The following XPO4 variants were observed in gnomAD, a reference collection of about 807,000 sequenced individuals.
The protein encoded by XPO4 is exportin-4.
A neutral mutation model predicts 143.0 loss-of-function variants in XPO4; 39 were observed. The ratio of observed to expected loss-of-function variants is 0.27; its 90% CI spans 0.21 to 0.36. The LOEUF (loss-of-function observed/expected upper bound fraction) is 0.36, where lower values mean the gene tolerates loss of function less well. XPO4 is among the 10% of genes least tolerant of loss of function. XPO4 has a pLI of 1.00. For missense variants in XPO4, 907 were observed against 1,348.0 expected (o/e 0.67, Z 5.12); for synonymous variants, 439 against 474.0 (o/e 0.93, Z 0.96).
intron 1 of XPO4, among the ~76,000 whole-genome samples, chr13:20,884,467 T>C (rs1316571259): frequency 6.6e-6 from 1 of 151,988 alleles, no homozygotes; most frequent in East Asian, 1.9e-4. Context: ...TATACTGCAG[T>C]AGTACAATCT....
chr13:20,895,557 G>A (rs2060560471), intron 1 of XPO4, among the ~76,000 whole-genome samples: 1 of 151,670 alleles, frequency 6.6e-6, no homozygotes, highest in South Asian at 2.1e-4. Flanking sequence ...ACTTGAACCT[G>A]AGAGGCAGAA....
At chr13:20,790,713 C>T in intron 18 of XPO4, 133 bp from the exon 19 acceptor site, 2 of 698,336 alleles carry the variant, frequency 2.9e-6, no homozygotes, top group Non-Finnish European at 4.9e-6. Flanking sequence ...AAGAATCTGA[C>T]CTCGTCCTGC....
At chr13:20,890,492 A>T (rs2060501637) in intron 1 of XPO4, among the ~76,000 whole-genome samples, 1 of 151,760 alleles carries the variant, frequency 6.6e-6, no homozygotes, top group Non-Finnish European at 1.5e-5. Context: ...GTATTTACAA[A>T]TCAGAAGAAA....
intron 5 of XPO4, 58 bp downstream of exon 5, chr13:20,843,712 G>A: frequency 1.7e-6 from 2 of 1,196,926 alleles, no homozygotes; most frequent in Non-Finnish European, 2.5e-6. Context: ...ATTAGGAATA[G>A]ATTGAGTAAA....
intron 9 of XPO4, among the ~76,000 whole-genome samples, chr13:20,810,357 G>A (rs895565883): frequency 6.6e-6 from 1 of 152,108 alleles, no homozygotes; most frequent in African/African-American, 2.4e-5. Context: ...AATATGTGGG[G>A]AGAACTCCAC....
chr13:20,874,131 G>C (rs2060329696), intron 1 of XPO4, among the ~76,000 whole-genome samples: 1 of 152,074 alleles, frequency 6.6e-6, no homozygotes, highest in Non-Finnish European at 1.5e-5. Flanking sequence ...ACACACAGTT[G>C]GGTAGACTAA....
intron 4 of XPO4, among the ~76,000 whole-genome samples, chr13:20,854,833 A>AC (rs777650038): frequency 1.2e-4 from 19 of 152,210 alleles, no homozygotes; most frequent in Non-Finnish European, 2.8e-4. Flanking sequence ...TCCCAAACTA[A>AC]TTCAGCCAAG....
chr13:20,893,756 G>A (rs191312725), intron 1 of XPO4, among the ~76,000 whole-genome samples: 15 of 147,672 alleles, frequency 1.0e-4, no homozygotes, highest in African/African-American at 3.8e-4. Context: ...GACAGGGTGA[G>A]ACTCTGTCTC....
At chr13:20,788,446 C>A in intron 20 of XPO4, 40 bp downstream of exon 20, 1 of 1,575,504 alleles carries the variant, frequency 6.3e-7, no homozygotes, top group Non-Finnish European at 8.6e-7. Context: ...GATCTTTTTC[C>A]CCAAGTAACA....
At chr13:20,902,609 G>C in intron 1 of XPO4, 61 bp downstream of exon 1, 1 of 1,491,900 alleles carries the variant, frequency 6.7e-7, no homozygotes, top group Non-Finnish European at 8.9e-7. Context: ...GCAAGGCCTG[G>C]AGTGGCAGGG....
chr13:20,896,843 A>T (rs563673623), intron 1 of XPO4, among the ~76,000 whole-genome samples: 1 of 152,340 alleles, frequency 6.6e-6, no homozygotes, highest in East Asian at 1.9e-4. Context: ...TTGTTATCAT[A>T]TTGAGAATTC....
At chr13:20,866,403 T>G (rs377683405) in intron 2 of XPO4, 1 of 981,972 alleles carries the variant, frequency 1.0e-6, no homozygotes, top group East Asian at 1.1e-4. Flanking sequence ...TCAAAGAAAG[T>G]CTCCCCTTTA....
intron 13 of XPO4, among the ~76,000 whole-genome samples, chr13:20,807,103 G>A (rs1012185156): frequency 6.6e-5 from 10 of 152,040 alleles, no homozygotes; most frequent in South Asian, 2.1e-4. Context: ...ACTTGTTGAC[G>A]TTCATCTGGT....
At chr13:20,844,497 AAC>A (rs1384198910) in intron 4 of XPO4, among the ~76,000 whole-genome samples, 1 of 152,218 alleles carries the variant, frequency 6.6e-6, no homozygotes, top group Non-Finnish European at 1.5e-5. Flanking sequence ...CCCAGACTAA[AAC>A]AGTCAAGGTA....
chr13:20,851,656 G>A (rs750470734), intron 4 of XPO4: 177 of 694,068 alleles, frequency 2.6e-4, no homozygotes, highest in Non-Finnish European at 2.9e-4. Flanking sequence ...GCTGCAGTAG[G>A]CCAAGACTAC....
chr13:20,800,140 C>A lies in XPO4; in HGVS notation c.2147+16G>T, dbSNP rs1201120412. The A allele has an allele frequency of 2.7e-5, 43 of 1,613,542 alleles. No homozygotes were observed. Among genetic ancestry groups the A allele is most frequent in the Non-Finnish European group, 3.3e-5 (39 of 1,179,740 alleles). Reference sequence around the variant, plus strand: ...ACACACATACACACACAGTCAGCCTCCAACAATGGGCTAACCTTTCTCTTC... The same window carrying A: ...ACACACATACACACACAGTCAGCCTACAACAATGGGCTAACCTTTCTCTTC... On this transcript the variant is annotated intron_variant, in intron 15 of 22. Transcript: ENST00000255305.
intron 12 of XPO4, among the ~76,000 whole-genome samples, chr13:20,808,167 A>T (rs2059531712): frequency 6.6e-6 from 1 of 152,172 alleles, no homozygotes; most frequent in South Asian, 2.1e-4. Context: ...GGGGATAATG[A>T]CGATGATGAT....
intron 12 of XPO4, among the ~76,000 whole-genome samples, 167 bp from the exon 13 acceptor site, chr13:20,807,801 G>A (rs2059526554): frequency 6.6e-6 from 1 of 152,044 alleles, no homozygotes; most frequent in African/African-American, 2.4e-5. Context: ...CTATGTCTCA[G>A]ATAAGTAACC....
intron 6 of XPO4, among the ~76,000 whole-genome samples, chr13:20,831,203 A>G (rs116954479): frequency 6.6e-6 from 1 of 152,168 alleles, no homozygotes; most frequent in South Asian, 2.1e-4. Flanking sequence ...GAATTCAGAA[A>G]TCTAGCACTA....
Sources: gnomAD v4.1 joint callset for allele counts (sites outside exome capture counted in the v4.1 genomes callset) on GRCh38, gnomAD v4.1.1 for gene constraint, MANE v1.5 for transcripts, NCBI Gene and HGNC (gene_info 2026-07-23, HGNC 2026-07-21) for gene names.